Variants in ANGPT1 observed in about 807,000 individuals in gnomAD.
ANGPT1 encodes the protein angiopoietin 1.
In ANGPT1, 17 loss-of-function variants were observed where a neutral mutation model predicts 62.2. The ratio of observed to expected loss-of-function variants is 0.27; its 90% CI spans 0.19 to 0.41. The LOEUF (loss-of-function observed/expected upper bound fraction) is 0.41. Ranked by LOEUF, ANGPT1 falls within the 10% of genes least tolerant of loss-of-function variation. The pLI, the probability that ANGPT1 is intolerant of heterozygous loss-of-function variation, is 1.00. For synonymous variants in ANGPT1, 199 were observed against 198.9 expected (o/e 1.00, Z 0.00); for missense variants, 478 against 594.9 (o/e 0.80, Z 2.04).
intron 1 of ANGPT1, among the ~76,000 whole-genome samples, chr8:107,478,192 C>T (rs1005665585): frequency 2.7e-5 from 4 of 150,188 alleles, no homozygotes; most frequent in African/African-American, 7.4e-5. Flanking sequence ...GTCAAGATCC[C>T]ATCTGTTTTA....
chr8:107,424,274 T>C (rs986678504), intron 1 of ANGPT1, among the ~76,000 whole-genome samples: 4 of 152,178 alleles, frequency 2.6e-5, no homozygotes, highest in Non-Finnish European at 4.4e-5. Context: ...AGCAGACAAT[T>C]GGAAATTCAA....
rs532333507 is a variant in ANGPT1, at chr8:107,478,608, C to A, written c.297+18654G>T. Among the ~76,000 whole-genome samples the A allele has an allele frequency of 2.0e-5, 3 of 152,156 alleles. No homozygotes were observed. The East Asian group carries it at 5.8e-4, about 29-fold the overall frequency. ...TAAAAGTGTCAATGCTTATATTGTA[C>A]AATACACATAATCTTCATAAAAGAG... On this transcript the variant is annotated intron_variant, in intron 1 of 8. Coordinates refer to ENST00000517746, the MANE Select transcript of ANGPT1 (RefSeq NM_001146.5).
chr8:107,469,759 T>C (rs145080600), intron 1 of ANGPT1, among the ~76,000 whole-genome samples: 6 of 152,204 alleles, frequency 3.9e-5, no homozygotes, highest in African/African-American at 1.4e-4. Flanking sequence ...AATACATGCT[T>C]TTTTTGTAAA....
intron 7 of ANGPT1, among the ~76,000 whole-genome samples, chr8:107,279,653 T>C (rs977127811): frequency 9.2e-5 from 14 of 151,930 alleles, no homozygotes; most frequent in South Asian, 2.1e-4. Context: ...GCTTAGTCAG[T>C]AATTTGGCTA....
chr8:107,337,551 C>A (rs1421960329), intron 2 of ANGPT1, among the ~76,000 whole-genome samples: 1 of 152,214 alleles, frequency 6.6e-6, no homozygotes, highest in Non-Finnish European at 1.5e-5. Context: ...CCTCTCTTTA[C>A]TCCTTAAGGG....
intron 1 of ANGPT1, among the ~76,000 whole-genome samples, chr8:107,365,162 A>G (rs1480739249): frequency 3.3e-5 from 5 of 152,324 alleles, no homozygotes; most frequent in Non-Finnish European, 5.9e-5. Context: ...TGATAAATAG[A>G]CTGATAAGCT....
intron 2 of ANGPT1, among the ~76,000 whole-genome samples, chr8:107,343,798 A>G (rs1285527051): frequency 3.3e-5 from 5 of 152,212 alleles, no homozygotes; most frequent in African/African-American, 7.2e-5. Context: ...GTGGTTGCTC[A>G]TGTCTGTAAT....
intron 1 of ANGPT1, among the ~76,000 whole-genome samples, chr8:107,449,187 C>T (rs879516290): frequency 6.6e-6 from 1 of 152,042 alleles, no homozygotes; most frequent in Admixed American, 6.6e-5. Flanking sequence ...TTGTTAAAAA[C>T]CTGCATTGTT....
At chr8:107,417,271 C>T (rs1346035886) in intron 1 of ANGPT1, among the ~76,000 whole-genome samples, 2 of 152,044 alleles carry the variant, frequency 1.3e-5, no homozygotes, top group Admixed American at 1.3e-4. Context: ...TAGATTCTTG[C>T]TAAGAGGGAG....
In ANGPT1 at chr8:107,375,590, T is replaced by C. The variant is rs116093795; in HGVS notation, c.298-28493A>G. Among the ~76,000 whole-genome samples the C allele has an allele frequency of 3.7e-3, 569 of 152,272 alleles. 5 individuals carry two copies. Among genetic ancestry groups the C allele is most frequent in the African/African-American group, 0.013 (548 of 41,550 alleles). On this transcript the variant is annotated intron_variant, in intron 1 of 8. Transcript: ENST00000517746. ...TCCTCCCAACCACAGGAGACAGACC[T>C]GATATGTGTATTGAGCACACATGAG...
chr8:107,319,030 C>A (rs1815088091), intron 4 of ANGPT1, among the ~76,000 whole-genome samples: 1 of 152,168 alleles, frequency 6.6e-6, no homozygotes, highest in African/African-American at 2.4e-5. Flanking sequence ...ACATTTTCTG[C>A]AGAGGAAGTT....
At chr8:107,274,454 G>A (rs1268461696) in intron 7 of ANGPT1, among the ~76,000 whole-genome samples, 1 of 152,026 alleles carries the variant, frequency 6.6e-6, no homozygotes, top group African/African-American at 2.4e-5. Flanking sequence ...TATGCTGTGG[G>A]ACAATTTTAT....
intron 6 of ANGPT1, among the ~76,000 whole-genome samples, chr8:107,286,221 C>G (rs533271557): frequency 6.6e-6 from 1 of 152,034 alleles, no homozygotes; most frequent in African/African-American, 2.4e-5. Flanking sequence ...CCCATTTATG[C>G]CAGTTCAGTT....
At chr8:107,350,944 G>C (rs1238889707) in intron 1 of ANGPT1, among the ~76,000 whole-genome samples, 2 of 152,084 alleles carry the variant, frequency 1.3e-5, no homozygotes, top group Non-Finnish European at 2.9e-5. Flanking sequence ...GCCAGGTTCA[G>C]AAAAGATTTG....
intron 1 of ANGPT1, among the ~76,000 whole-genome samples, chr8:107,435,340 T>G (rs1811306543): frequency 6.6e-6 from 1 of 152,242 alleles, no homozygotes; most frequent in Non-Finnish European, 1.5e-5. Context: ...ACAGTAAATC[T>G]TGCAGTCATT....
intron 1 of ANGPT1, 26 bp downstream of exon 1, chr8:107,497,236 A>G (rs201914316): frequency 1.9e-6 from 3 of 1,608,482 alleles, no homozygotes; most frequent in Non-Finnish European, 2.5e-6. Context: ...GGTCCGTGCT[A>G]TTAGAAACTG....
chr8:107,460,515 CATGA>C (rs1313254301), intron 1 of ANGPT1, among the ~76,000 whole-genome samples: 1 of 152,156 alleles, frequency 6.6e-6, no homozygotes, highest in African/African-American at 2.4e-5. Flanking sequence ...TTTGCTATTG[CATGA>C]ATGAACAACT....
At chr8:107,407,258 T>G (rs1037488501) in intron 1 of ANGPT1, among the ~76,000 whole-genome samples, 2 of 98,740 alleles carry the variant, frequency 2.0e-5, no homozygotes, top group African/African-American at 8.3e-5. Context: ...CAGAACTCAA[T>G]GTAGACCATG....
intron 1 of ANGPT1, among the ~76,000 whole-genome samples, chr8:107,463,658 T>C (rs894510481): frequency 6.6e-5 from 10 of 152,202 alleles, no homozygotes; most frequent in Admixed American, 3.9e-4. Context: ...TCCCTTAATC[T>C]TTTTTGAATA....
Sources: allele counts gnomAD v4.1 joint callset (sites outside exome capture counted in the v4.1 genomes callset), GRCh38; gene constraint gnomAD v4.1.1; transcripts MANE v1.5; gene names NCBI Gene and HGNC (gene_info 2026-07-23, HGNC 2026-07-21).